SEMA6D: variants seen among roughly 807,000 people sequenced by gnomAD.
The protein encoded by SEMA6D is semaphorin 6D.
Under a neutral mutation model 106.6 loss-of-function variants are expected in SEMA6D, and 35 were observed. That is an observed-to-expected ratio of 0.33 (90% CI 0.25 to 0.44). The LOEUF is 0.44. SEMA6D is among the 20% of genes least tolerant of loss of function. The pLI, the probability that SEMA6D is intolerant of heterozygous loss-of-function variation, is 1.00. For missense variants in SEMA6D, 1,185 were observed against 1,345.9 expected (o/e 0.88, Z 1.87); for synonymous variants, 499 against 487.7 (o/e 1.02, Z -0.31).
intron 1 of SEMA6D, among the ~76,000 whole-genome samples, chr15:47,365,878 G>A (rs973933797): frequency 1.7e-5 from 2 of 120,650 alleles, no homozygotes; most frequent in African/African-American, 6.8e-5. Context: ...GAAAGAAAGA[G>A]AGAGAGAGAG....
intron 1 of SEMA6D, among the ~76,000 whole-genome samples, chr15:47,253,146 G>GATTTGT (rs1176827250): frequency 2.0e-5 from 3 of 152,052 alleles, no homozygotes; most frequent in African/African-American, 7.2e-5. Context: ...AATGATTAGT[G>GATTTGT]ATTTGTATTT....
chr15:47,747,210 A>AAATTGCT, intron 1 of SEMA6D, among the ~76,000 whole-genome samples: 2 of 152,020 alleles, frequency 1.3e-5, no homozygotes, highest in Non-Finnish European at 1.5e-5. Flanking sequence ...AATGAATGTT[A>AAATTGCT]TTCAATTTGA....
At chr15:47,697,849 C>G (rs1045236006) in intron 4 of SEMA6D, among the ~76,000 whole-genome samples, 8 of 152,224 alleles carry the variant, frequency 5.3e-5, no homozygotes, top group Non-Finnish European at 8.8e-5. Flanking sequence ...ATGTCTGACA[C>G]AGTTCTTTTG....
At chr15:47,522,745 A>G (rs2044629005) in intron 3 of SEMA6D, among the ~76,000 whole-genome samples, 1 of 152,200 alleles carries the variant, frequency 6.6e-6, no homozygotes, top group African/African-American at 2.4e-5. Flanking sequence ...TCATGATGGC[A>G]GATGGTAGAA....
At chr15:47,525,882 A>C (rs1376556982) in intron 3 of SEMA6D, among the ~76,000 whole-genome samples, 1 of 152,168 alleles carries the variant, frequency 6.6e-6, no homozygotes, top group African/African-American at 2.4e-5. Context: ...AAAAACAAAA[A>C]CAAAACAAAA....
chr15:47,320,017 G>C (rs1476117717), intron 1 of SEMA6D, among the ~76,000 whole-genome samples: 1 of 152,074 alleles, frequency 6.6e-6, no homozygotes, highest in Non-Finnish European at 1.5e-5. Context: ...CTCCTGTCTT[G>C]AAGTCAGTGC....
intron 4 of SEMA6D, among the ~76,000 whole-genome samples, chr15:47,616,383 G>C (rs1231988394): frequency 6.6e-6 from 1 of 151,868 alleles, no homozygotes; most frequent in African/African-American, 2.4e-5. Context: ...TGTTAGCCAG[G>C]ATGGTCTCGA....
chr15:47,323,331 C>T (rs1020247939), intron 1 of SEMA6D, among the ~76,000 whole-genome samples: 2 of 152,054 alleles, frequency 1.3e-5, no homozygotes, highest in African/African-American at 2.4e-5. Flanking sequence ...GTCTAGGGTA[C>T]GTGAACACCG....
intron 1 of SEMA6D, among the ~76,000 whole-genome samples, chr15:47,363,695 G>A (rs917819906): frequency 2.0e-5 from 3 of 152,180 alleles, no homozygotes; most frequent in Non-Finnish European, 2.9e-5. Flanking sequence ...ATACAGTCAG[G>A]AAAGTGAAGG....
At chr15:47,731,649 T>TA (rs929979135) in intron 1 of SEMA6D, among the ~76,000 whole-genome samples, 5 of 152,198 alleles carry the variant, frequency 3.3e-5, no homozygotes, top group Admixed American at 3.3e-4. Context: ...TTCCAATGCA[T>TA]AAAAAAACTT....
chr15:47,561,284 G>A (rs2046073887), intron 3 of SEMA6D, among the ~76,000 whole-genome samples: 1 of 151,960 alleles, frequency 6.6e-6, no homozygotes, highest in Non-Finnish European at 1.5e-5. Flanking sequence ...ATTAACAGCT[G>A]ATTTATTGTC....
chr15:47,575,723 CAAA>C (rs142185669), intron 3 of SEMA6D, among the ~76,000 whole-genome samples: 3 of 145,544 alleles, frequency 2.1e-5, no homozygotes, highest in Non-Finnish European at 4.6e-5. Flanking sequence ...CATCTCAAAA[CAAA>C]AAAAAAAGAG....
chr15:47,210,979 A>G (rs2029945279), intron 1 of SEMA6D, among the ~76,000 whole-genome samples: 1 of 152,056 alleles, frequency 6.6e-6, no homozygotes, highest in Non-Finnish European at 1.5e-5. Context: ...ATTGGCTGAT[A>G]ATTTTTTTAA....
rs373401117 is a variant in SEMA6D, at chr15:47,224,610, C to T, written c.-239+40192C>T. On this transcript the variant is annotated intron_variant, in intron 1 of 19. Coordinates refer to the SEMA6D transcript ENST00000558014. ...TTGTTGCCTTAAAAGAAAACTATACCTTATACCTCATTTCATTCCAAGTCA... is the reference window on the plus strand; with the variant it reads ...TTGTTGCCTTAAAAGAAAACTATACTTTATACCTCATTTCATTCCAAGTCA... Among the ~76,000 whole-genome samples the T allele has an allele frequency of 3.0e-4, 45 of 152,146 alleles. 1 individual carries two copies. The highest frequency in any genetic ancestry group is 9.6e-4 in the African/African-American group (40 of 41,512).
At chr15:47,533,743 C>T (rs1269305103) in intron 3 of SEMA6D, among the ~76,000 whole-genome samples, 5 of 152,100 alleles carry the variant, frequency 3.3e-5, no homozygotes, top group African/African-American at 1.2e-4. Context: ...GAAGAATGTG[C>T]AGAGACAAGG....
intron 1 of SEMA6D, among the ~76,000 whole-genome samples, chr15:47,273,894 G>T (rs1228550707): frequency 1.3e-5 from 2 of 152,176 alleles, no homozygotes; most frequent in African/African-American, 4.8e-5. Context: ...GCATAGTGGG[G>T]AGTAAGAGAA....
intron 1 of SEMA6D, among the ~76,000 whole-genome samples, chr15:47,301,579 A>G (rs2036020517): frequency 6.6e-6 from 1 of 152,166 alleles, no homozygotes; most frequent in Non-Finnish European, 1.5e-5. Flanking sequence ...CCTGATTTTG[A>G]GTGTTGCTGC....
At chr15:47,192,995 C>T (rs959391560) in intron 1 of SEMA6D, among the ~76,000 whole-genome samples, 2 of 152,316 alleles carry the variant, frequency 1.3e-5, no homozygotes, top group Non-Finnish European at 2.9e-5. Context: ...CCACTGCTAT[C>T]CTTCTGGTCT....
At chr15:47,647,333 G>A (rs2077598771) in intron 4 of SEMA6D, among the ~76,000 whole-genome samples, 1 of 152,206 alleles carries the variant, frequency 6.6e-6, no homozygotes, top group Non-Finnish European at 1.5e-5. Context: ...TTTAGCCGGG[G>A]TCTGTCAAGT....
Sources: gnomAD v4.1 joint callset for allele counts (sites outside exome capture counted in the v4.1 genomes callset) on GRCh38, gnomAD v4.1.1 for gene constraint, MANE v1.5 for transcripts, NCBI Gene and HGNC (gene_info 2026-07-23, HGNC 2026-07-21) for gene names.